RPS6KC1: variants seen among roughly 807,000 people sequenced by gnomAD.
RPS6KC1 encodes the protein ribosomal protein S6 kinase C1.
RPS6KC1 carries 54 observed loss-of-function variants against 103.8 expected under a neutral mutation model. That is an observed-to-expected ratio of 0.52 (90% CI 0.42 to 0.65). The LOEUF is 0.65. Among genes scored for constraint, RPS6KC1 ranks in the 30% least tolerant of loss-of-function variants. The probability of loss-of-function intolerance (pLI) is 0.00; values close to 1 mark genes in which losing one functional copy is unlikely to be tolerated. For synonymous variants in RPS6KC1, 439 were observed against 438.7 expected, an observed-to-expected ratio of 1.00 and a Z score of -0.01; for missense variants, 1,151 against 1,253.8, an observed-to-expected ratio of 0.92 and a Z score of 1.24.
the RPS6KC1 span, among the ~76,000 whole-genome samples, chr1:213,313,070 C>T: frequency 6.6e-6 from 1 of 152,256 alleles, no homozygotes; most frequent in Admixed American, 6.5e-5. Context: ...ATGGTTATGT[C>T]GCTGGCTTGA....
At chr1:213,691,368 G>A in the RPS6KC1 span, among the ~76,000 whole-genome samples, 1 of 152,188 alleles carries the variant, frequency 6.6e-6, no homozygotes, top group Non-Finnish European at 1.5e-5. Context: ...CCTCTTGTGA[G>A]ACCTTGGGGT....
At chr1:213,071,414 C>G (rs1184857118) in intron 2 of RPS6KC1, among the ~76,000 whole-genome samples, 1 of 152,154 alleles carries the variant, frequency 6.6e-6, no homozygotes, top group African/African-American at 2.4e-5. Flanking sequence ...CAGACGTGAG[C>G]CACTGTGCCT....
At chr1:213,579,835 T>A in the RPS6KC1 span, among the ~76,000 whole-genome samples, 2 of 152,084 alleles carry the variant, frequency 1.3e-5, no homozygotes, top group Non-Finnish European at 1.5e-5. Context: ...TTACTGAATA[T>A]TTTAAGTCTA....
At chr1:213,338,036 T>G in the RPS6KC1 span, among the ~76,000 whole-genome samples, 1 of 152,168 alleles carries the variant, frequency 6.6e-6, no homozygotes, top group Non-Finnish European at 1.5e-5. Flanking sequence ...GTGGGACCAT[T>G]GGGAAGGTGA....
At chr1:213,322,629 GTGT>G in the RPS6KC1 span, among the ~76,000 whole-genome samples, 3 of 152,226 alleles carry the variant, frequency 2.0e-5, no homozygotes. Flanking sequence ...TAGCAAGATG[GTGT>G]TCTTTCTGAA....
the RPS6KC1 span, among the ~76,000 whole-genome samples, chr1:213,645,718 T>A: frequency 3.3e-5 from 5 of 152,286 alleles, no homozygotes; most frequent in East Asian, 9.7e-4. Flanking sequence ...TCTGATACAA[T>A]TTGTTAGTCC....
the RPS6KC1 span, among the ~76,000 whole-genome samples, chr1:213,628,879 G>T: frequency 2.0e-5 from 3 of 152,162 alleles, no homozygotes; most frequent in South Asian, 4.2e-4. Context: ...CAGTTTCCAT[G>T]GAGTTGAGCA....
At chr1:213,667,159 G>T in the RPS6KC1 span, among the ~76,000 whole-genome samples, 1 of 152,174 alleles carries the variant, frequency 6.6e-6, no homozygotes, top group Non-Finnish European at 1.5e-5. Flanking sequence ...GAAGGATCTT[G>T]TCACTGTACA....
chr1:213,748,766 C>G, the RPS6KC1 span, among the ~76,000 whole-genome samples: 5 of 152,190 alleles, frequency 3.3e-5, no homozygotes, highest in Admixed American at 1.3e-4. Context: ...CTGTTCTAGC[C>G]AAGAGGAGAG....
chr1:213,811,358 G>A, the RPS6KC1 span, among the ~76,000 whole-genome samples: 71 of 152,250 alleles, frequency 4.7e-4, 2 homozygotes, highest in South Asian at 0.015. Context: ...AGAGCACACA[G>A]TATGTCATTT....
chr1:213,535,556 C>A, the RPS6KC1 span, among the ~76,000 whole-genome samples: 2 of 152,144 alleles, frequency 1.3e-5, no homozygotes, highest in Non-Finnish European at 2.9e-5. Context: ...TCCCTCTGAC[C>A]CTTACCCCAC....
At chr1:213,370,662 T>C in the RPS6KC1 span, among the ~76,000 whole-genome samples, 7 of 152,206 alleles carry the variant, frequency 4.6e-5, no homozygotes, top group African/African-American at 1.7e-4. Context: ...ATTAGTCCCA[T>C]TCAATAGATG....
chr1:213,590,757 G>A, the RPS6KC1 span, among the ~76,000 whole-genome samples: 1 of 150,112 alleles, frequency 6.7e-6, no homozygotes, highest in African/African-American at 2.5e-5. Context: ...TGTTGGCAGT[G>A]CTCCGGCAGC....
the RPS6KC1 span, among the ~76,000 whole-genome samples, chr1:213,342,739 A>G: frequency 6.6e-6 from 1 of 152,346 alleles, no homozygotes; most frequent in Non-Finnish European, 1.5e-5. Flanking sequence ...GAATAATGAG[A>G]CACCAGACAA....
chr1:213,576,227 CA>C, the RPS6KC1 span, among the ~76,000 whole-genome samples: 1 of 151,900 alleles, frequency 6.6e-6, no homozygotes, highest in Non-Finnish European at 1.5e-5. Flanking sequence ...AATAATACAA[CA>C]ATAAAAATAA....
the RPS6KC1 span, among the ~76,000 whole-genome samples, chr1:213,610,529 G>A: frequency 2.0e-5 from 3 of 152,174 alleles, no homozygotes; most frequent in African/African-American, 4.8e-5. Flanking sequence ...AGGAAGCACA[G>A]GCGACTCGTT....
the RPS6KC1 span, among the ~76,000 whole-genome samples, chr1:213,400,601 ATT>A: frequency 2.0e-5 from 3 of 152,054 alleles, no homozygotes; most frequent in Non-Finnish European, 4.4e-5. Context: ...GGTCCTACTA[ATT>A]AGCAGCAGCT....
chr1:213,825,400 GAGGGAGGGAGC>G, the RPS6KC1 span, among the ~76,000 whole-genome samples: 2 of 152,220 alleles, frequency 1.3e-5, no homozygotes, highest in Non-Finnish European at 2.9e-5. Flanking sequence ...TATAAAGGAA[GAGGGAGGGAGC>G]AGGGAGGGAG....
At chr1:213,736,903 A>G in the RPS6KC1 span, among the ~76,000 whole-genome samples, 1 of 152,194 alleles carries the variant, frequency 6.6e-6, no homozygotes, top group Non-Finnish European at 1.5e-5. Flanking sequence ...GAGAAACCTA[A>G]AAGGTTTCAT....
Sources: allele counts gnomAD v4.1 joint callset (sites outside exome capture counted in the v4.1 genomes callset), GRCh38; gene constraint gnomAD v4.1.1; transcripts MANE v1.5; gene names NCBI Gene and HGNC (gene_info 2026-07-23, HGNC 2026-07-21).